Variants in ATRX observed in about 807,000 individuals in gnomAD.
The protein encoded by ATRX is chromatin remodeler ATRX.
Under a neutral mutation model 172.6 loss-of-function variants are expected in ATRX, and 12 were observed. That is an observed-to-expected ratio of 0.07 (90% CI 0.04 to 0.11). The LOEUF (loss-of-function observed/expected upper bound fraction) is 0.11, where lower values mean the gene tolerates loss of function less well. Ranked by LOEUF, ATRX falls within the 10% of genes least tolerant of loss-of-function variation. The pLI, the probability that ATRX is intolerant of heterozygous loss-of-function variation, is 1.00. For synonymous variants in ATRX, 674 were observed against 594.7 expected (o/e 1.13, Z -1.94); for missense variants, 1,368 against 1,767.4 (o/e 0.77, Z 4.05).
At chrX:77,765,447 A>G (rs2075874767) in intron 1 of ATRX, among the ~76,000 whole-genome samples, 2 of 111,813 alleles carry the variant, frequency 1.8e-5, no homozygotes, top group South Asian at 7.4e-4. Flanking sequence ...CCTTTACTGT[A>G]TTTTCTCGAA....
intron 25 of ATRX, 110 bp from the exon 26 acceptor site, chrX:77,593,959 G>C (rs1378201379): frequency 1.4e-6 from 1 of 722,193 alleles, no homozygotes; most frequent in African/African-American, 2.2e-5. Context: ...GAAACTGATG[G>C]GGACTTGGGA....
intron 2 of ATRX, among the ~76,000 whole-genome samples, chrX:77,703,229 G>C (rs1557154935): frequency 1.8e-5 from 2 of 112,852 alleles, no homozygotes; most frequent in East Asian, 2.8e-4. Context: ...GTTTTGCTCA[G>C]GCCTGCTGGG....
intron 28 of ATRX, among the ~76,000 whole-genome samples, chrX:77,560,323 T>C (rs1029329009): frequency 2.7e-5 from 3 of 111,668 alleles, no homozygotes; most frequent in African/African-American, 9.7e-5. Flanking sequence ...ATTCAAATCA[T>C]GATATATTTC....
chrX:77,783,425 C>T (rs1466108987), intron 1 of ATRX, among the ~76,000 whole-genome samples: 1 of 111,381 alleles, frequency 9.0e-6, no homozygotes, highest in Non-Finnish European at 1.9e-5. Context: ...GACTGAGCCA[C>T]TGATTAGTCA....
chrX:77,515,598 C>T (rs1171567329), intron 34 of ATRX, among the ~76,000 whole-genome samples: 7 of 111,482 alleles, frequency 6.3e-5, no homozygotes, highest in Admixed American at 1.9e-4. Flanking sequence ...AAAATTGAGG[C>T]GTTGCATCCT....
chrX:77,636,859 G>A lies in ATRX; in HGVS notation c.4558-803C>T, dbSNP rs1222668278. Among the ~76,000 whole-genome samples, 16 of 100,455 alleles carry A rather than the reference G, an allele frequency of 1.6e-4. No homozygotes were observed. The Admixed American group carries it at 1.6e-3, about 10-fold the overall frequency. 87.2% of individuals were successfully genotyped at this position (100,455 alleles called of 115,157 possible). ...AGGAAGGAGGTGGAAGGAGGAGGAA[G>A]GAGGGAGGAGGAGGGAGGAGGAGGA... On this transcript the variant is annotated intron_variant, in intron 15 of 34. Coordinates refer to ENST00000373344, the MANE Select transcript of ATRX (RefSeq NM_000489.6).
rs2063228550 is a variant in ATRX at position 77,521,407 on chromosome X, G to A, written c.7067C>T (p.Ala2356Val). ...GACAATTGCCAATTAGCTTACTACAGCTGAAATTATATCCTCAAGAGGTTG... is the reference window on the plus strand; with the variant it reads ...GACAATTGCCAATTAGCTTACTACAACTGAAATTATATCCTCAAGAGGTTG... ...RIQPLEDIIS[A>V]VWKENMNLSE... The change falls in exon 33 of 35, where the codon GCT (alanine) becomes GTT (valine). Residue 2356 changes from alanine (A) to valine (V), a missense_variant. Around this residue, in one of 17 missense-constraint regions of ATRX, gnomAD observed 100 missense variants for 153.9 expected, o/e 0.65. Transcript: ENST00000373344. The A allele has an allele frequency of 8.3e-7, 1 of 1,205,858 alleles. No homozygotes were observed. The highest frequency in any genetic ancestry group is 1.1e-6 in the Non-Finnish European group (1 of 890,454).
intron 27 of ATRX, among the ~76,000 whole-genome samples, chrX:77,578,021 G>C (rs2065688393): frequency 9.0e-6 from 1 of 111,631 alleles, no homozygotes; most frequent in Non-Finnish European, 1.9e-5. Flanking sequence ...CATAGGGAGA[G>C]AATCAGTGCA....
intron 28 of ATRX, among the ~76,000 whole-genome samples, chrX:77,570,264 G>A (rs941126813): frequency 9.2e-6 from 1 of 108,369 alleles, no homozygotes; most frequent in Non-Finnish European, 1.9e-5. Flanking sequence ...CTGCAGCCTC[G>A]ACCTCCTGAT....
intron 30 of ATRX, among the ~76,000 whole-genome samples, chrX:77,530,834 T>A (rs1215398142): frequency 1.9e-5 from 2 of 107,758 alleles, no homozygotes; most frequent in Non-Finnish European, 3.8e-5. Context: ...ATCCAGGAAG[T>A]GGTTTCTTAA....
At chrX:77,772,421 C>T (rs1186349014) in intron 1 of ATRX, among the ~76,000 whole-genome samples, 2 of 97,706 alleles carry the variant, frequency 2.0e-5, no homozygotes, top group Non-Finnish European at 4.1e-5. Context: ...TGCTTGAGGC[C>T]AGAAGTTTGA....
intron 22 of ATRX, among the ~76,000 whole-genome samples, chrX:77,609,373 A>G (rs143681135): frequency 0.01 from 1,173 of 112,511 alleles, 17 homozygotes; most frequent in African/African-American, 0.036. Flanking sequence ...AATATGGTAC[A>G]TGTACACAAT....
chrX:77,520,970 A>T (rs2063211455), intron 33 of ATRX, 54 bp from the exon 34 acceptor site: 1 of 1,103,742 alleles, frequency 9.1e-7, no homozygotes. Context: ...GAGGAAAAAT[A>T]ATTAAGGTAT....
At chrX:77,587,865 GAC>G (rs1180522965) in intron 27 of ATRX, among the ~76,000 whole-genome samples, 2 of 112,198 alleles carry the variant, frequency 1.8e-5, no homozygotes, top group Non-Finnish European at 3.8e-5. Flanking sequence ...TCATGGATAA[GAC>G]ATAATATTAA....
At chrX:77,742,000 C>T (rs782045660) in intron 1 of ATRX, among the ~76,000 whole-genome samples, 39 of 111,118 alleles carry the variant, frequency 3.5e-4, no homozygotes, top group African/African-American at 1.2e-3. Flanking sequence ...TTAATTGTTC[C>T]ATGTACATAT....
chrX:77,746,410 G>A (rs1474207854), intron 1 of ATRX, among the ~76,000 whole-genome samples: 2 of 111,718 alleles, frequency 1.8e-5, no homozygotes, highest in Non-Finnish European at 3.8e-5. Context: ...TTCCTAGTCT[G>A]TATATACTTA....
chrX:77,583,848 C>T (rs1308241443), intron 27 of ATRX, among the ~76,000 whole-genome samples: 1 of 111,321 alleles, frequency 9.0e-6, no homozygotes, highest in Non-Finnish European at 1.9e-5. Context: ...AGAAAAAAAT[C>T]AAATTATCCT....
intron 28 of ATRX, among the ~76,000 whole-genome samples, chrX:77,567,511 CA>C (rs1385025757): frequency 2.8e-4 from 31 of 110,883 alleles, no homozygotes; most frequent in African/African-American, 1.0e-3. Context: ...GAGGGATAGA[CA>C]GGGGCACAGC....
At chrX:77,590,821 G>T (rs2148098747) in intron 26 of ATRX, among the ~76,000 whole-genome samples, 1 of 111,409 alleles carries the variant, frequency 9.0e-6, no homozygotes, top group South Asian at 3.7e-4. Flanking sequence ...GAACACAGAA[G>T]AAAATCTTCA....
Sources: allele counts gnomAD v4.1 joint callset (sites outside exome capture counted in the v4.1 genomes callset), GRCh38; gene constraint gnomAD v4.1.1; regional missense constraint gnomAD v4.1.1; transcripts MANE v1.5; gene names NCBI Gene and HGNC (gene_info 2026-07-23, HGNC 2026-07-21).